Variants in PTPRT observed in about 807,000 individuals in gnomAD.
PTPRT encodes protein tyrosine phosphatase receptor type T, also known as receptor-type tyrosine-protein phosphatase T.
In PTPRT, 56 loss-of-function variants were observed where a neutral mutation model predicts 176.8. That is an observed-to-expected ratio of 0.32 (90% CI 0.26 to 0.40). The LOEUF is 0.40. Ranked by LOEUF, PTPRT falls within the 10% of genes least tolerant of loss-of-function variation. The probability of loss-of-function intolerance (pLI) is 1.00; values close to 1 mark genes in which losing one functional copy is unlikely to be tolerated. For synonymous variants in PTPRT, 783 were observed against 739.0 expected (o/e 1.06, Z -0.96); for missense variants, 1,540 against 1,908.2 (o/e 0.81, Z 3.60).
intron 12 of PTPRT, among the ~76,000 whole-genome samples, chr20:42,296,508 C>G (rs962164638): frequency 6.7e-6 from 1 of 149,834 alleles, no homozygotes; most frequent in Admixed American, 6.7e-5. Context: ...AACAGAAATA[C>G]AAGACTTCCT....
chr20:42,857,452 T>G (rs1453070984), intron 2 of PTPRT, among the ~76,000 whole-genome samples: 2 of 152,138 alleles, frequency 1.3e-5, no homozygotes, highest in Non-Finnish European at 2.9e-5. Flanking sequence ...ACATTTTTTC[T>G]CTCTTGTCTA....
At chr20:43,100,472 A>C (rs1253991366) in intron 1 of PTPRT, among the ~76,000 whole-genome samples, 2 of 152,222 alleles carry the variant, frequency 1.3e-5, no homozygotes, top group Non-Finnish European at 2.9e-5. Context: ...GAACAGCCAA[A>C]TCTGTTTATG....
rs1350157245 is a variant in PTPRT at position 42,403,107 on chromosome 20, T to TC, written c.1560+45112dup. Among the ~76,000 whole-genome samples, 3 of 152,222 alleles carry TC rather than the reference T, an allele frequency of 2.0e-5. No homozygotes were observed. In the East Asian group the frequency reaches 5.8e-4, roughly 29 times the overall value. Reference sequence around the variant, plus strand: ...AATCTTAATACTTTCATGTGTTACCTCCCCCCTTTTCTTTTTCCTACTCAT... The same window carrying TC: ...AATCTTAATACTTTCATGTGTTACCTCCCCCCCTTTTCTTTTTCCTACTCAT... On this transcript the variant is annotated intron_variant, in intron 9 of 30. Coordinates refer to ENST00000373187, the MANE Select transcript of PTPRT (RefSeq NM_007050.6).
At chr20:42,247,266 G>C (rs1397449959) in intron 14 of PTPRT, among the ~76,000 whole-genome samples, 1 of 152,166 alleles carries the variant, frequency 6.6e-6, no homozygotes, top group Non-Finnish European at 1.5e-5. Flanking sequence ...CCAGAGGCTA[G>C]TATGGTTGAT....
chr20:42,537,208 T>C (rs573734828), intron 7 of PTPRT, among the ~76,000 whole-genome samples: 1 of 152,290 alleles, frequency 6.6e-6, no homozygotes, highest in South Asian at 2.1e-4. Flanking sequence ...GGATGAAGCC[T>C]GCAAATATAT....
chr20:43,147,307 CA>C (rs1295770086), intron 1 of PTPRT, among the ~76,000 whole-genome samples: 1 of 152,126 alleles, frequency 6.6e-6, no homozygotes, highest in Non-Finnish European at 1.5e-5. Flanking sequence ...TCCTCATCAG[CA>C]AAATGGAAAG....
intron 16 of PTPRT, among the ~76,000 whole-genome samples, chr20:42,171,507 C>T (rs957301492): frequency 1.3e-5 from 2 of 152,082 alleles, no homozygotes; most frequent in Non-Finnish European, 2.9e-5. Context: ...AATGGATATT[C>T]AATGTGTACT....
chr20:42,097,987 T>G (rs1985440014), intron 27 of PTPRT, among the ~76,000 whole-genome samples: 1 of 152,094 alleles, frequency 6.6e-6, no homozygotes, highest in Non-Finnish European at 1.5e-5. Context: ...TGTCCAAGGT[T>G]CAAGTCCCAG....
intron 1 of PTPRT, among the ~76,000 whole-genome samples, chr20:43,023,862 G>T (rs1568739158): frequency 6.6e-6 from 1 of 152,080 alleles, no homozygotes; most frequent in Non-Finnish European, 1.5e-5. Context: ...AGTGCCTCTG[G>T]CCCCCACACT....
chr20:42,938,353 C>G (rs56765173), intron 1 of PTPRT, among the ~76,000 whole-genome samples: 2,770 of 152,214 alleles, frequency 0.018, 96 homozygotes, highest in African/African-American at 0.063. Context: ...TGTTTTCCAC[C>G]GAAGCACCAT....
chr20:42,520,802 C>CAT (rs58797064), intron 7 of PTPRT, among the ~76,000 whole-genome samples: 47,048 of 141,384 alleles, frequency 0.33, 7,663 homozygotes, highest in Middle Eastern at 0.41. Context: ...CTTGGAAAGA[C>CAT]ATATATATAT....
intron 1 of PTPRT, among the ~76,000 whole-genome samples, chr20:43,175,155 C>CT (rs1427010029): frequency 6.6e-6 from 1 of 152,202 alleles, no homozygotes; most frequent in African/African-American, 2.4e-5. Context: ...GCGAGGAAGT[C>CT]TCCTCCATGG....
At chr20:42,064,068 C>T in the PTPRT span, 3 of 150,570 alleles carry the variant, frequency 2.0e-5, no homozygotes, top group South Asian at 2.1e-4. Flanking sequence ...AATATCAAAC[C>T]GGCTTTATCC....
chr20:43,080,012 A>G (rs957585269), intron 1 of PTPRT, among the ~76,000 whole-genome samples: 1 of 152,156 alleles, frequency 6.6e-6, no homozygotes, highest in Non-Finnish European at 1.5e-5. Context: ...GATTGAGAAC[A>G]TTTCCTTCCA....
intron 1 of PTPRT, among the ~76,000 whole-genome samples, chr20:43,155,237 T>C (rs931511555): frequency 6.6e-6 from 1 of 152,236 alleles, no homozygotes; most frequent in Non-Finnish European, 1.5e-5. Context: ...GTTGAAGAGA[T>C]ATCTGCATTC....
chr20:43,157,547 T>A (rs1325172318), intron 1 of PTPRT, among the ~76,000 whole-genome samples: 1 of 152,182 alleles, frequency 6.6e-6, no homozygotes, highest in Non-Finnish European at 1.5e-5. Flanking sequence ...TTTGCAGTAT[T>A]AAACTAAGTA....
intron 1 of PTPRT, among the ~76,000 whole-genome samples, chr20:42,897,018 G>A (rs1408638719): frequency 1.3e-5 from 2 of 152,024 alleles, no homozygotes; most frequent in Admixed American, 1.3e-4. Flanking sequence ...GCACAAATAT[G>A]GTAAGAAGGC....
At chr20:43,071,480 C>T (rs1169089569) in intron 1 of PTPRT, among the ~76,000 whole-genome samples, 1 of 152,096 alleles carries the variant, frequency 6.6e-6, no homozygotes, top group East Asian at 1.9e-4. Context: ...TTCAGGGAAC[C>T]CAGTTCAAGA....
chr20:42,273,086 A>T (rs2056967357), intron 13 of PTPRT, among the ~76,000 whole-genome samples: 1 of 152,138 alleles, frequency 6.6e-6, no homozygotes, highest in Non-Finnish European at 1.5e-5. Context: ...TTGGACTTAT[A>T]TTTATTCATT....
Sources: gnomAD v4.1 joint callset for allele counts (sites outside exome capture counted in the v4.1 genomes callset) on GRCh38, gnomAD v4.1.1 for gene constraint, MANE v1.5 for transcripts, NCBI Gene and HGNC (gene_info 2026-07-23, HGNC 2026-07-21) for gene names.